Variants in SMAD1 observed in about 807,000 individuals in gnomAD.
SMAD1 encodes SMAD family member 1.
SMAD1 carries 6 observed loss-of-function variants against 41.6 expected under a neutral mutation model. The ratio of observed to expected loss-of-function variants is 0.14; its 90% confidence interval spans 0.08 to 0.28. The LOEUF (loss-of-function observed/expected upper bound fraction) is 0.28. Among genes scored for constraint, SMAD1 ranks in the 10% least tolerant of loss-of-function variants. The probability of loss-of-function intolerance (pLI) is 1.00; values close to 1 mark genes in which losing one functional copy is unlikely to be tolerated. For synonymous variants in SMAD1, 206 were observed against 203.2 expected, an observed-to-expected ratio of 1.01 and a Z score of -0.12; for missense variants, 379 against 582.6, an observed-to-expected ratio of 0.65 and a Z score of 3.60.
At chr4:145,508,636 A>G (rs1461487955) in intron 1 of SMAD1, among the ~76,000 whole-genome samples, 1 of 152,152 alleles carries the variant, frequency 6.6e-6, no homozygotes, top group Non-Finnish European at 1.5e-5. Context: ...CTTGGAAAAA[A>G]ATGTTCTGAA....
chr4:145,516,298 T>A (rs373069576), intron 2 of SMAD1, among the ~76,000 whole-genome samples: 1 of 152,242 alleles, frequency 6.6e-6, no homozygotes, highest in Admixed American at 6.5e-5. Flanking sequence ...GTACAACTTA[T>A]GTTCATCCAA....
intron 2 of SMAD1, among the ~76,000 whole-genome samples, chr4:145,526,963 G>C (rs1430836966): frequency 6.6e-6 from 1 of 152,128 alleles, no homozygotes; most frequent in Non-Finnish European, 1.5e-5. Flanking sequence ...TGAGGATAAA[G>C]TTAATGCATG....
At chr4:145,528,843 G>A (rs1006610722) in intron 2 of SMAD1, among the ~76,000 whole-genome samples, 2 of 152,220 alleles carry the variant, frequency 1.3e-5, no homozygotes, top group African/African-American at 4.8e-5. Flanking sequence ...TTGGACTGCA[G>A]TGCCAGGCTG....
chr4:145,508,253 T>C (rs565534587), intron 1 of SMAD1, among the ~76,000 whole-genome samples: 15 of 152,100 alleles, frequency 9.9e-5, no homozygotes, highest in Non-Finnish European at 1.9e-4. Flanking sequence ...TATCAGCTTG[T>C]ATCATCATCT....
chr4:145,538,724 C>A (rs1328386460), intron 2 of SMAD1, among the ~76,000 whole-genome samples: 1 of 152,056 alleles, frequency 6.6e-6, no homozygotes, highest in African/African-American at 2.4e-5. Flanking sequence ...CTCCTCTCTC[C>A]TCTCATGCAG....
chr4:145,539,159 G>A (rs535470183), intron 2 of SMAD1, among the ~76,000 whole-genome samples: 1 of 152,242 alleles, frequency 6.6e-6, no homozygotes, highest in Non-Finnish European at 1.5e-5. Context: ...AAGTGGGTAA[G>A]ATCCTTAGAA....
In SMAD1 at chr4:145,501,313, G is replaced by A. The variant is rs556922465; in HGVS notation, c.-176-13125G>A. ...GTGATAAAAAGAAATAAAATTCCAT[G>A]CTCTTCCCAGAGGAGGAGTTCAACA... On this transcript the variant is annotated intron_variant, in intron 1 of 6. Transcript: ENST00000302085. Among the ~76,000 whole-genome samples the A allele has an allele frequency of 3.3e-5, 5 of 152,340 alleles. 1 individual carries two copies. The highest frequency in any genetic ancestry group is 1.2e-4 in the African/African-American group (5 of 41,582).
chr4:145,527,263 G>A (rs544315305), intron 2 of SMAD1, among the ~76,000 whole-genome samples: 7 of 146,260 alleles, frequency 4.8e-5, no homozygotes, highest in Admixed American at 4.2e-4. Flanking sequence ...TTGCTCTGTC[G>A]CCCAGGCTGG....
intron 4 of SMAD1, chr4:145,545,549 G>GT (rs66796371): frequency 0.47 from 68,311 of 146,412 alleles, 16,476 homozygotes; most frequent in East Asian, 0.76. Context: ...TATTTTCCTT[G>GT]TTTTTTTTTT....
intron 4 of SMAD1, chr4:145,544,889 A>G (rs1319697312): frequency 2.6e-5 from 4 of 152,220 alleles, no homozygotes; most frequent in African/African-American, 9.6e-5. Context: ...GGACCCAGTA[A>G]CTATTATTAC....
At chr4:145,525,313 G>T (rs1398834828) in intron 2 of SMAD1, among the ~76,000 whole-genome samples, 4 of 152,186 alleles carry the variant, frequency 2.6e-5, no homozygotes, top group Non-Finnish European at 4.4e-5. Context: ...GCATGAATTA[G>T]CCAGATCATC....
rs188176304 is a variant in SMAD1 at position 145,496,276 on chromosome 4, G to T, written c.-177+14238G>T. Among the ~76,000 whole-genome samples, 11 of 152,222 alleles carry T rather than the reference G, an allele frequency of 7.2e-5. No individual in the cohort carries two copies. The East Asian group carries it at 1.9e-3, about 27-fold the overall frequency. On this transcript the variant is annotated intron_variant, in intron 1 of 6. Coordinates refer to ENST00000302085, the MANE Select transcript of SMAD1 (RefSeq NM_005900.3). Reference sequence around the variant, plus strand: ...ACTCTGCCTTATGCATCAAACCAAGGGGGGGACTACTGTGGAGAAGCAGTA... The same window carrying T: ...ACTCTGCCTTATGCATCAAACCAAGTGGGGGACTACTGTGGAGAAGCAGTA...
intron 3 of SMAD1, among the ~76,000 whole-genome samples, 184 bp from the exon 4 acceptor site, chr4:145,542,398 T>C (rs17020304): frequency 0.017 from 2,666 of 152,378 alleles, 66 homozygotes; most frequent in East Asian, 0.05. Context: ...TGTATATGAT[T>C]GTGGCATGGT....
At chr4:145,546,283 A>C (rs1230036893) in intron 4 of SMAD1, 32 of 172,446 alleles carry the variant, frequency 1.9e-4, no homozygotes, top group Admixed American at 1.8e-3. Flanking sequence ...TACCTTTGGC[A>C]TATTTTCAGT....
intron 1 of SMAD1, among the ~76,000 whole-genome samples, chr4:145,502,390 GA>G (rs1264046692): frequency 6.6e-6 from 1 of 152,184 alleles, no homozygotes; most frequent in Non-Finnish European, 1.5e-5. Flanking sequence ...AGAAGATATA[GA>G]AAAGCCAACT....
At chr4:145,548,584 A>G (rs1056197259) in intron 5 of SMAD1, among the ~76,000 whole-genome samples, 4 of 152,210 alleles carry the variant, frequency 2.6e-5, no homozygotes, top group African/African-American at 4.8e-5. Flanking sequence ...TTATAAGTCC[A>G]TACTCATAAT....
At chr4:145,509,484 T>G (rs921231506) in intron 1 of SMAD1, among the ~76,000 whole-genome samples, 24 of 152,206 alleles carry the variant, frequency 1.6e-4, no homozygotes, top group African/African-American at 5.5e-4. Flanking sequence ...TGGGGGTATT[T>G]GTTTAAATGT....
intron 1 of SMAD1, among the ~76,000 whole-genome samples, chr4:145,502,338 A>G (rs1012376553): frequency 7.2e-5 from 11 of 152,214 alleles, no homozygotes; most frequent in African/African-American, 2.7e-4. Flanking sequence ...TGGGGGTTCA[A>G]TGGGATTAAG....
At chr4:145,508,390 G>C (rs1729900473) in intron 1 of SMAD1, among the ~76,000 whole-genome samples, 1 of 151,956 alleles carries the variant, frequency 6.6e-6, no homozygotes, top group Non-Finnish European at 1.5e-5. Flanking sequence ...GCCACTTATA[G>C]CTGTCTACAT....
Sources: gnomAD v4.1 joint callset for allele counts (sites outside exome capture counted in the v4.1 genomes callset) on GRCh38, gnomAD v4.1.1 for gene constraint, MANE v1.5 for transcripts, NCBI Gene and HGNC (gene_info 2026-07-23, HGNC 2026-07-21) for gene names.